Variants in RLF observed in about 807,000 individuals in gnomAD.
The protein encoded by RLF is RLF zinc finger.
A neutral mutation model predicts 162.9 loss-of-function variants in RLF; 7 were observed. The observed-to-expected ratio is 0.04, with a 90% CI of 0.02 to 0.08. The LOEUF (loss-of-function observed/expected upper bound fraction) is 0.08. RLF is among the 10% of genes least tolerant of loss of function. The pLI, the probability that RLF is intolerant of heterozygous loss-of-function variation, is 1.00. For synonymous variants in RLF, 782 were observed against 791.5 expected, an observed-to-expected ratio of 0.99 and a Z score of 0.20; for missense variants, 1,664 against 2,244.7, an observed-to-expected ratio of 0.74 and a Z score of 5.23.
At chr1:40,166,910 G>A (rs1035419697) in intron 1 of RLF, among the ~76,000 whole-genome samples, 1 of 151,648 alleles carries the variant, frequency 6.6e-6, no homozygotes, top group Non-Finnish European at 1.5e-5. Context: ...TGTAAATGAC[G>A]AGTTAATGGG....
intron 1 of RLF, among the ~76,000 whole-genome samples, chr1:40,184,463 A>G (rs1642445912): frequency 6.6e-6 from 1 of 152,190 alleles, no homozygotes; most frequent in Non-Finnish European, 1.5e-5. Flanking sequence ...GGTTTCAAAG[A>G]TAGTTTTTTA....
chr1:40,165,582 G>T (rs534841014), intron 1 of RLF, among the ~76,000 whole-genome samples: 2 of 151,724 alleles, frequency 1.3e-5, no homozygotes, highest in Non-Finnish European at 2.9e-5. Flanking sequence ...GATTTTTTTG[G>T]GGGGACACTG....
chr1:40,239,854 C>T lies in RLF; in HGVS notation c.5152C>T (p.Leu1718=). ...ESGTYFTSFQ[L]PLPRIKESET... ...TGGGACTTATTTCACAAGTTTCCAG[C>T]TGCCTTTACCAAGGATCAAAGAATC... The change falls in exon 8 of 8, where the codon CTG becomes TTG. Residue 1718 remains leucine, a synonymous_variant. Coordinates refer to ENST00000372771, the MANE Select transcript of RLF (RefSeq NM_012421.4). The T allele has an allele frequency of 6.2e-7, 1 of 1,613,948 alleles. No individual in the cohort carries two copies. The highest frequency in any genetic ancestry group is 8.5e-7 in the Non-Finnish European group (1 of 1,180,022).
chr1:40,224,109 A>G (rs916019494), intron 6 of RLF, among the ~76,000 whole-genome samples: 1 of 152,314 alleles, frequency 6.6e-6, no homozygotes, highest in Non-Finnish European at 1.5e-5. Context: ...CCCCTTCTTC[A>G]GTCAGCCACC....
chr1:40,237,694 G>A lies in RLF; in HGVS notation c.2992G>A (p.Gly998Ser), dbSNP rs1557763245. ...GACGAAAGATCTGTTTCCCTCTTTG[G>A]GTAATGAACATAATCAGACAACTGA... ...IKTKDLFPSL[G>S]NEHNQTTEKL... Residue 998 changes from glycine to serine, a missense_variant, in exon 8 of 8, where the codon GGT (glycine) becomes AGT (serine). By Grantham distance (56) the Gly-to-Ser change is moderately conservative. Transcript: ENST00000372771. The surrounding 1 kb of genome is among the most constrained non-coding windows in gnomAD (Gnocchi z 4.4). 1.2e-6 allele frequency: 2 copies of A among 1,614,030 alleles called. No individual in the cohort carries two copies. Among genetic ancestry groups the A allele is most frequent in the Non-Finnish European group, 1.7e-6 (2 of 1,179,984 alleles).
At chr1:40,220,093 G>A (rs545624196) in intron 5 of RLF, among the ~76,000 whole-genome samples, 10 of 152,160 alleles carry the variant, frequency 6.6e-5, no homozygotes, top group East Asian at 3.9e-4. Flanking sequence ...AAAATTAGCC[G>A]GGCGTGGTGT....
At chr1:40,166,784 CAT>C (rs1349106921) in intron 1 of RLF, among the ~76,000 whole-genome samples, 1 of 143,496 alleles carries the variant, frequency 7.0e-6, no homozygotes, top group Non-Finnish European at 1.5e-5. Flanking sequence ...CGTTCTCACT[CAT>C]AGGTGGGAAT....
chr1:40,166,360 G>C (rs1642165497), intron 1 of RLF, among the ~76,000 whole-genome samples: 1 of 151,942 alleles, frequency 6.6e-6, no homozygotes, highest in Non-Finnish European at 1.5e-5. Flanking sequence ...TAAAGGGAGA[G>C]GTTGTGGAGA....
intron 1 of RLF, among the ~76,000 whole-genome samples, chr1:40,184,597 A>C (rs1642447152): frequency 6.6e-6 from 1 of 152,212 alleles, no homozygotes; most frequent in Non-Finnish European, 1.5e-5. Flanking sequence ...GAAATATGTA[A>C]TAGGCAGTTG....
Position 40,240,496 on chromosome 1 carries a change from G to A in RLF, c.*49G>A. On this transcript the variant is annotated 3_prime_UTR_variant, in exon 8 of 8. Transcript: ENST00000372771. ...GACTGGCTCCAACACTGCAACATGG[G>A]GACATTTGCCAACTCGAACAAAGGC... is the stretch of plus-strand genomic sequence containing the variant. 1 of 1,354,802 alleles carries A rather than the reference G, an allele frequency of 7.4e-7. No individual in the cohort carries two copies. Among genetic ancestry groups the A allele is most frequent in the African/African-American group, 1.4e-5 (1 of 69,034 alleles). 83.9% of individuals were successfully genotyped at this position (1,354,802 alleles called of 1,614,324 possible). A position where few individuals can be genotyped will look rare whatever the true frequency, so the allele number is the denominator to read the frequency against.
chr1:40,193,624 G>C (rs1043896000), intron 3 of RLF, among the ~76,000 whole-genome samples: 2 of 152,200 alleles, frequency 1.3e-5, no homozygotes, highest in Non-Finnish European at 2.9e-5. Context: ...CTGAGGACAA[G>C]TCAAGCTGTT....
Position 40,238,443 on chromosome 1 carries a change from A to C in RLF, c.3741A>C (p.Lys1247Asn). ...CTGAGAAACCACACTGTCATCCTAA[A>C]AAGGATGAATGTAGTTCTGAAACAG... ...SNSEKPHCHP[K>N]KDECSSETDL... The change falls in exon 8 of 8, where the codon AAA becomes AAC. Residue 1247 changes from lysine to asparagine, a missense_variant. Transcript: ENST00000372771. This position sits in a 1 kb window ranked among gnomAD's most constrained non-coding sequence, Gnocchi z 5.2. 1 of 1,614,100 alleles carries C rather than the reference A, an allele frequency of 6.2e-7. No individual in the cohort carries two copies. Among genetic ancestry groups the C allele is most frequent in the Non-Finnish European group, 8.5e-7 (1 of 1,179,956 alleles).
intron 5 of RLF, among the ~76,000 whole-genome samples, chr1:40,213,218 C>T (rs751449438): frequency 5.3e-5 from 8 of 152,162 alleles, no homozygotes; most frequent in African/African-American, 9.7e-5. Context: ...TTTGAAGAGA[C>T]GTCTTCCCAG....
intron 6 of RLF, among the ~76,000 whole-genome samples, chr1:40,227,359 CATT>C (rs1258782186): frequency 6.6e-6 from 1 of 152,102 alleles, no homozygotes; most frequent in Non-Finnish European, 1.5e-5. Flanking sequence ...AAAAAAGTCA[CATT>C]ATTGTAGTAA....
At chr1:40,210,107 T>C (rs1188662442) in intron 5 of RLF, among the ~76,000 whole-genome samples, 1 of 152,110 alleles carries the variant, frequency 6.6e-6, no homozygotes, top group Non-Finnish European at 1.5e-5. Context: ...ACATTTTGGG[T>C]TTGATTCCTC....
chr1:40,224,623 C>CTTTTTTTTTTTT (rs1168908018), intron 6 of RLF, among the ~76,000 whole-genome samples: 3 of 33,262 alleles, frequency 9.0e-5, no homozygotes, highest in East Asian at 1.4e-3. Context: ...TTTTTGAAAG[C>CTTTTTTTTTTTT]TTTTTTTTTT....
chr1:40,222,544 T>C, intron 5 of RLF, 30 bp from the exon 6 acceptor site: 1 of 1,602,556 alleles, frequency 6.2e-7, no homozygotes, highest in Non-Finnish European at 8.5e-7. Flanking sequence ...CACCATTTTC[T>C]TTTTGACTTA....
chr1:40,162,917 G>T (rs940171622), intron 1 of RLF, among the ~76,000 whole-genome samples: 5 of 152,156 alleles, frequency 3.3e-5, no homozygotes, highest in African/African-American at 1.2e-4. Context: ...TCATAGGATA[G>T]TGCCAGGGAC....
At chr1:40,227,733 G>A (rs1401196402) in intron 6 of RLF, among the ~76,000 whole-genome samples, 1 of 152,140 alleles carries the variant, frequency 6.6e-6, no homozygotes, top group East Asian at 1.9e-4. Context: ...GGCCAGGCAT[G>A]GTGGTTTACA....
Sources: allele counts gnomAD v4.1 joint callset (sites outside exome capture counted in the v4.1 genomes callset), GRCh38; gene constraint gnomAD v4.1.1; non-coding constraint Gnocchi (gnomAD v3.1); transcripts MANE v1.5; gene names NCBI Gene and HGNC (gene_info 2026-07-23, HGNC 2026-07-21).